KCNIP3: variants seen among roughly 807,000 people sequenced by gnomAD.
The protein encoded by KCNIP3 is calsenilin.
Under a neutral mutation model 35.0 loss-of-function variants are expected in KCNIP3, and 28 were observed. The ratio of observed to expected loss-of-function variants is 0.80; its 90% CI spans 0.59 to 1.10. The LOEUF (loss-of-function observed/expected upper bound fraction) is 1.10, where lower values mean the gene tolerates loss of function less well. Among genes scored for constraint, KCNIP3 ranks in the 50% least tolerant of loss-of-function variants. The pLI is 0.00. For synonymous variants in KCNIP3, 134 were observed against 133.8 expected (o/e 1.00, Z -0.01); for missense variants, 295 against 338.4 (o/e 0.87, Z 1.01).
chr2:95,340,920 T>G (rs1159949223), intron 2 of KCNIP3, among the ~76,000 whole-genome samples: 1 of 152,188 alleles, frequency 6.6e-6, no homozygotes, highest in Non-Finnish European at 1.5e-5. Flanking sequence ...CCTTATGATT[T>G]AAGCCAAGGA....
intron 2 of KCNIP3, among the ~76,000 whole-genome samples, chr2:95,343,539 C>G (rs985111949): frequency 6.6e-6 from 1 of 152,116 alleles, no homozygotes; most frequent in Non-Finnish European, 1.5e-5. Context: ...AGCCCAGACC[C>G]GCCCTTATGA....
At chr2:95,319,231 A>G (rs1297190988) in intron 2 of KCNIP3, among the ~76,000 whole-genome samples, 1 of 152,186 alleles carries the variant, frequency 6.6e-6, no homozygotes, top group African/African-American at 2.4e-5. Context: ...TGCTGTGCGG[A>G]GGCTGGTGGA....
chr2:95,319,216 G>A (rs1678531357), intron 2 of KCNIP3, among the ~76,000 whole-genome samples: 2 of 152,256 alleles, frequency 1.3e-5, no homozygotes, highest in Admixed American at 1.3e-4. Flanking sequence ...GAGGAAGGCG[G>A]ACCCTGCTGT....
intron 2 of KCNIP3, among the ~76,000 whole-genome samples, chr2:95,349,920 G>C (rs1679471122): frequency 6.6e-6 from 1 of 152,230 alleles, no homozygotes. Flanking sequence ...CTGTAGGGCT[G>C]GGCTGGGGGT....
chr2:95,363,485 TA>T (rs1331639160), intron 2 of KCNIP3, among the ~76,000 whole-genome samples: 16 of 152,214 alleles, frequency 1.1e-4, no homozygotes, highest in African/African-American at 3.6e-4. Flanking sequence ...ATACAATTTT[TA>T]TTACAATGAC....
intron 2 of KCNIP3, among the ~76,000 whole-genome samples, chr2:95,321,903 G>A (rs1186042192): frequency 2.6e-5 from 4 of 151,840 alleles, no homozygotes; most frequent in Non-Finnish European, 4.4e-5. Context: ...TCCCCTGACC[G>A]CCATGCTAGA....
chr2:95,363,509 A>G (rs1679850413), intron 2 of KCNIP3, among the ~76,000 whole-genome samples: 2 of 152,162 alleles, frequency 1.3e-5, no homozygotes, highest in Admixed American at 1.3e-4. Context: ...TACAACATGT[A>G]CTAGTGTCTG....
intron 2 of KCNIP3, chr2:95,347,127 C>T: frequency 7.5e-6 from 12 of 1,606,976 alleles, no homozygotes; most frequent in South Asian, 1.1e-5. Context: ...TGGAAGGTAA[C>T]GCGTGGCCAC....
intron 2 of KCNIP3, among the ~76,000 whole-genome samples, chr2:95,344,750 T>C (rs1573502596): frequency 6.6e-6 from 1 of 152,210 alleles, no homozygotes; most frequent in South Asian, 2.1e-4. Flanking sequence ...TAGGGGCCAC[T>C]GGAGCCCCTG....
intron 4 of KCNIP3, 22 bp from the exon 5 acceptor site, chr2:95,375,116 G>C: frequency 6.2e-7 from 1 of 1,613,020 alleles, no homozygotes; most frequent in Non-Finnish European, 8.5e-7. Context: ...ACACACCCCA[G>C]CCTCTTCCTT....
chr2:95,383,917 C>T (rs555915939), intron 8 of KCNIP3, 85 bp from the exon 9 acceptor site: 8 of 1,172,412 alleles, frequency 6.8e-6, no homozygotes, highest in East Asian at 4.7e-5. Flanking sequence ...CTGCAGGCTC[C>T]GAGTCCCTGG....
intron 2 of KCNIP3, chr2:95,313,468 G>T (rs1244259231): frequency 6.6e-6 from 1 of 152,368 alleles, no homozygotes; most frequent in African/African-American, 2.4e-5. Flanking sequence ...CTACCCAGGA[G>T]AGGCGCCCCA....
intron 2 of KCNIP3, among the ~76,000 whole-genome samples, chr2:95,353,669 A>G (rs1174693179): frequency 1.3e-5 from 2 of 152,108 alleles, no homozygotes. Flanking sequence ...GAAATTCAGA[A>G]GGGGAGGGCA....
intron 2 of KCNIP3, among the ~76,000 whole-genome samples, chr2:95,340,853 G>C (rs1275218602): frequency 6.6e-6 from 1 of 152,176 alleles, no homozygotes; most frequent in East Asian, 1.9e-4. Flanking sequence ...CATCTAAGCT[G>C]GCTGCCCCTG....
intron 2 of KCNIP3, among the ~76,000 whole-genome samples, chr2:95,364,112 A>G (rs549218430): frequency 1.7e-4 from 26 of 152,354 alleles, no homozygotes; most frequent in African/African-American, 6.0e-4. Context: ...AGCTTTTGCC[A>G]TTAAATCCAA....
Position 95,383,224 on chromosome 2 carries a change from G to T in KCNIP3, c.661-8G>T. 1.2e-6 allele frequency: 2 copies of T among 1,613,626 alleles called. No homozygotes were observed. Among genetic ancestry groups the T allele is most frequent in the Admixed American group, 3.3e-5 (2 of 59,982 alleles). On this transcript the variant is annotated splice_polypyrimidine_tract_variant and splice_region_variant and intron_variant, in intron 7 of 8. Coordinates refer to ENST00000295225, the MANE Select transcript of KCNIP3 (RefSeq NM_013434.5). Reference sequence around the variant, plus strand: ...ACAGACTCACTTTGGGCATGGCTTGGGTTGCAGAAAATGGACCGGAACCAG... The same window carrying T: ...ACAGACTCACTTTGGGCATGGCTTGTGTTGCAGAAAATGGACCGGAACCAG...
chr2:95,358,004 G>C (rs6708977), intron 2 of KCNIP3, among the ~76,000 whole-genome samples: 5 of 152,314 alleles, frequency 3.3e-5, no homozygotes, highest in East Asian at 1.9e-4. Context: ...GAGTACTGGT[G>C]GGGGGAGCAT....
intron 2 of KCNIP3, chr2:95,347,267 C>T: frequency 1.5e-6 from 1 of 686,588 alleles, no homozygotes; most frequent in Admixed American, 2.6e-5. Context: ...GAGGGTTGGG[C>T]CTGGGACTAA....
At chr2:95,308,153 T>C (rs1678225142) in intron 1 of KCNIP3, among the ~76,000 whole-genome samples, 2 of 152,184 alleles carry the variant, frequency 1.3e-5, no homozygotes, top group East Asian at 1.9e-4. Context: ...GCATAGCGTG[T>C]GCACATAGGG....
Sources: allele counts gnomAD v4.1 joint callset (sites outside exome capture counted in the v4.1 genomes callset), GRCh38; gene constraint gnomAD v4.1.1; transcripts MANE v1.5; gene names NCBI Gene and HGNC (gene_info 2026-07-23, HGNC 2026-07-21).